ZNF610: variants seen among roughly 807,000 people sequenced by gnomAD.
The protein encoded by ZNF610 is zink finger protein.
ZNF610 carries 14 observed loss-of-function variants against 14.1 expected under a neutral mutation model. The ratio of observed to expected loss-of-function variants is 0.99; its 90% confidence interval spans 0.65 to 1.55. The LOEUF is 1.55. Among genes scored for constraint, ZNF610 ranks in the 40% most tolerant of loss-of-function variants. ZNF610 has a pLI of 0.00. For synonymous variants in ZNF610, 185 were observed against 187.6 expected (o/e 0.99, Z 0.11); for missense variants, 530 against 558.0 (o/e 0.95, Z 0.51).
chr19:52,338,926 C>A (rs1019885116), intron 1 of ZNF610, among the ~76,000 whole-genome samples: 3 of 149,682 alleles, frequency 2.0e-5, no homozygotes, highest in African/African-American at 7.6e-5. Context: ...AGGACCCGCG[C>A]CGGCCCGGTC....
At chr19:52,350,708 C>T (rs1378603436) in intron 3 of ZNF610, among the ~76,000 whole-genome samples, 2 of 151,466 alleles carry the variant, frequency 1.3e-5, no homozygotes, top group African/African-American at 4.8e-5. Flanking sequence ...AAAACCTATA[C>T]AGCATTATAA....
chr19:52,365,630 G>A (rs11881435), intron 5 of ZNF610, 68 bp from the exon 6 acceptor site: 295,519 of 1,392,502 alleles, frequency 0.21, 32,345 homozygotes, highest in East Asian at 0.23. Flanking sequence ...GGCTGATTCT[G>A]GTCCCTCCAC....
Position 52,353,757 on chromosome 19 carries a change from G to T in ZNF610, c.139G>T (p.Ala47Ser). 1 of 1,613,774 alleles carries T rather than the reference G, an allele frequency of 6.2e-7. No individual in the cohort carries two copies. ...EWKSLDPGQRALYRDVMLENY... is the reference protein window; with the variant it reads ...EWKSLDPGQRSLYRDVMLENY... ...GAAATCCCTGGACCCTGGACAGAGG[G>T]CTTTATACAGGGACGTGATGTTGGA... Residue 47 changes from alanine (A) to serine (S), a missense_variant, in exon 4 of 6, where the codon GCT becomes TCT. By Grantham distance (99) the Ala-to-Ser change is moderately conservative. Coordinates refer to ENST00000403906, the MANE Select transcript of ZNF610 (RefSeq NM_001161425.2).
In ZNF610 at chr19:52,365,915, T is replaced by C. The variant is rs575389291; in HGVS notation, c.537T>C (p.Tyr179=). Residue 179 remains tyrosine, a synonymous_variant, in exon 6 of 6, where the codon TAT becomes TAC. Coordinates refer to ENST00000403906, the MANE Select transcript of ZNF610 (RefSeq NM_001161425.2). ...SSFTTHIFNK[Y]RNDLIDFPLL... is the part of the protein sequence containing the mutation. ...TCACAACACACATTTTTAATAAATA[T>C]AGAAATGATCTTATTGATTTCCCAT... 16 of 1,612,760 alleles carry C rather than the reference T, an allele frequency of 9.9e-6. No individual in the cohort carries two copies. The East Asian group carries it at 1.3e-4, about 13-fold the overall frequency.
At position 52,336,317 on chromosome 19, in the gene ZNF610, C is replaced by T. The variant is rs1984375571; in HGVS notation, c.-447C>T. ...CAGTTTCCCTTTGTTTAGATTCAAT[C>T]TGGGCTTCCCAGCTCCCCCGCGCTT... On this transcript the variant is annotated 5_prime_UTR_variant, in exon 1 of 6. Coordinates refer to ENST00000403906, the MANE Select transcript of ZNF610 (RefSeq NM_001161425.2). The T allele has an allele frequency of 6.9e-6, 2 of 289,638 alleles. No individual in the cohort carries two copies. The highest frequency in any genetic ancestry group is 1.3e-5 in the Non-Finnish European group (2 of 153,902). 17.9% of individuals were successfully genotyped at this position (289,638 alleles called of 1,614,324 possible).
rs1467311307 is a variant in ZNF610 at position 52,358,133 on chromosome 19, T to C, written c.319+3754T>C. On this transcript the variant is annotated intron_variant, in intron 5 of 5. Transcript: ENST00000403906. ...CCAGAGTGTCTTTCAGGTTCATCCA[T>C]TTTGTAGCATATAAAGAAATTTCCA... 2.6e-5 allele frequency among the ~76,000 whole-genome samples: 4 copies of C among 152,228 alleles called. No individual in the cohort carries two copies. In the East Asian group the frequency reaches 7.7e-4, roughly 29 times the overall value.
intron 5 of ZNF610, among the ~76,000 whole-genome samples, chr19:52,363,483 G>A (rs117620090): frequency 3.3e-5 from 5 of 152,088 alleles, no homozygotes; most frequent in African/African-American, 1.2e-4. Context: ...CTACTATATC[G>A]TGGAGCTATC....
chr19:52,354,134 G>A (rs1985403250), intron 4 of ZNF610, 117 bp from the exon 5 acceptor site: 21 of 1,409,116 alleles, frequency 1.5e-5, no homozygotes, highest in Non-Finnish European at 1.8e-5. Flanking sequence ...CAGTCTGTGG[G>A]TGAACTTGTG....
In ZNF610 at chr19:52,366,068, A is replaced by AC. The variant is rs1986023672; in HGVS notation, c.692dup (p.Tyr232LeufsTer5). On this transcript the variant is annotated frameshift_variant, in exon 6 of 6. Coordinates refer to ENST00000403906, the MANE Select transcript of ZNF610 (RefSeq NM_001161425.2). LOFTEE classifies it low-confidence loss of function (END_TRUNC). ...ATCAAGTAATCCATACTGCAGAGAA[A>AC]CCTTACAAATGTACTGAATGTGGCA... 3 of 1,613,992 alleles carry AC rather than the reference A, an allele frequency of 1.9e-6. No homozygotes were observed. The highest frequency in any genetic ancestry group is 2.7e-5 in the African/African-American group (2 of 74,910).
rs1476820505 is a variant in ZNF610, at chr19:52,347,816, C to T, written c.-148C>T. On this transcript the variant is annotated 5_prime_UTR_variant, in exon 2 of 6. Coordinates refer to ENST00000403906, the MANE Select transcript of ZNF610 (RefSeq NM_001161425.2). ...GGGATTACAGGCATGAGCCACTACG[C>T]CTGGCCAAGTATTCGGTATTTATAA... The T allele has an allele frequency of 6.6e-6, 1 of 152,176 alleles. No homozygotes were observed. Among genetic ancestry groups the T allele is most frequent in the Non-Finnish European group, 1.5e-5 (1 of 68,040 alleles). The allele number at this position is 152,176 out of a possible 1,614,324, so 9.4% of individuals were successfully genotyped here.
intron 1 of ZNF610, among the ~76,000 whole-genome samples, chr19:52,343,437 A>G (rs1984780330): frequency 6.6e-6 from 1 of 151,830 alleles, no homozygotes; most frequent in Non-Finnish European, 1.5e-5. Flanking sequence ...CTTTGGTGGC[A>G]GGCGCCTGTA....
At chr19:52,350,142 T>C (rs916338700) in intron 3 of ZNF610, among the ~76,000 whole-genome samples, 3 of 152,210 alleles carry the variant, frequency 2.0e-5, no homozygotes, top group Non-Finnish European at 4.4e-5. Context: ...AAATTTTTTG[T>C]CATTAAAGAG....
intron 5 of ZNF610, among the ~76,000 whole-genome samples, chr19:52,362,902 C>T (rs941797903): frequency 2.6e-5 from 4 of 152,052 alleles, no homozygotes; most frequent in Non-Finnish European, 4.4e-5. Context: ...GTTGTGTATA[C>T]GTCTGTCATA....
Position 52,350,934 on chromosome 19 carries a change from A to C in ZNF610, c.63+1699A>C, listed in dbSNP as rs547241111. On this transcript the variant is annotated intron_variant, in intron 3 of 5. Transcript: ENST00000403906. Reference sequence around the variant, plus strand: ...AGAATCGCTTGAACCCGGGAGGTGGAGGCTGCAGTGAGCCAAGATCGCACC... The same window carrying C: ...AGAATCGCTTGAACCCGGGAGGTGGCGGCTGCAGTGAGCCAAGATCGCACC... 1.9e-4 allele frequency among the ~76,000 whole-genome samples: 29 copies of C among 152,282 alleles called. 1 individual carries two copies. In the East Asian group the frequency reaches 5.2e-3, roughly 27 times the overall value.
At chr19:52,331,286 A>G (rs10423705), upstream of ZNF610, among the ~76,000 whole-genome samples, 3 of 152,292 alleles carry the variant, frequency 2.0e-5, no homozygotes, top group East Asian at 5.8e-4. Context: ...TTGTCTAATC[A>G]TGGAAAACAT....
At chr19:52,333,940 GTT>G (rs1009632437), upstream of ZNF610, among the ~76,000 whole-genome samples, 29 of 152,192 alleles carry the variant, frequency 1.9e-4, no homozygotes, top group African/African-American at 6.8e-4. Flanking sequence ...TTTCAAGACT[GTT>G]TGCCAGATTA....
At chr19:52,338,985 A>AGGGGGATGTG (rs948604895) in intron 1 of ZNF610, among the ~76,000 whole-genome samples, 4 of 151,814 alleles carry the variant, frequency 2.6e-5, no homozygotes, top group African/African-American at 9.7e-5. Flanking sequence ...CATCTCGGAG[A>AGGGGGATGTG]GGGGGATGTG....
chr19:52,333,360 C>G (rs994967156), upstream of ZNF610, among the ~76,000 whole-genome samples: 2 of 152,192 alleles, frequency 1.3e-5, no homozygotes, highest in Admixed American at 6.5e-5. Flanking sequence ...GGCAACATCC[C>G]CCTGGCAAAG....
chr19:52,350,191 T>C (rs1465826113), intron 3 of ZNF610, among the ~76,000 whole-genome samples: 1 of 151,976 alleles, frequency 6.6e-6, no homozygotes, highest in Non-Finnish European at 1.5e-5. Context: ...CAATTAGTTA[T>C]TTTTTTATGT....
Sources: gnomAD v4.1 joint callset for allele counts (sites outside exome capture counted in the v4.1 genomes callset) on GRCh38, gnomAD v4.1.1 for gene constraint, MANE v1.5 for transcripts, NCBI Gene and HGNC (gene_info 2026-07-23, HGNC 2026-07-21) for gene names.